PRIM2: variants seen among roughly 807,000 people sequenced by gnomAD.
PRIM2 encodes DNA primase subunit 2.
PRIM2 carries 39 observed loss-of-function variants against 67.3 expected under a neutral mutation model. The observed-to-expected ratio is 0.58, with a 90% CI of 0.45 to 0.76. The LOEUF is 0.76. Ranked by LOEUF, PRIM2 falls within the 30% of genes least tolerant of loss-of-function variation. The pLI is 0.00. For missense variants in PRIM2, 398 were observed against 598.7 expected, an observed-to-expected ratio of 0.66 and a Z score of 3.50; for synonymous variants, 143 against 198.7, an observed-to-expected ratio of 0.72 and a Z score of 2.36.
chr6:57,585,200 A>G (rs1776167312), intron 10 of PRIM2, among the ~76,000 whole-genome samples: 1 of 152,208 alleles, frequency 6.6e-6, no homozygotes, highest in African/African-American at 2.4e-5. Flanking sequence ...TTTAAGTGAT[A>G]TTAAACAACA....
intron 7 of PRIM2, among the ~76,000 whole-genome samples, chr6:57,407,646 G>T (rs561756352): frequency 6.6e-6 from 1 of 152,318 alleles, no homozygotes; most frequent in African/African-American, 2.4e-5. Flanking sequence ...GTACACAGTG[G>T]CACACCCACA....
At chr6:57,438,882 C>G (rs1772101882) in intron 7 of PRIM2, among the ~76,000 whole-genome samples, 1 of 151,928 alleles carries the variant, frequency 6.6e-6, no homozygotes, top group African/African-American at 2.4e-5. Flanking sequence ...AAGTGATTCT[C>G]CTGCCTCAGC....
intron 10 of PRIM2, among the ~76,000 whole-genome samples, chr6:57,562,160 A>G (rs1236522511): frequency 1.3e-5 from 2 of 152,152 alleles, no homozygotes; most frequent in Non-Finnish European, 1.5e-5. Flanking sequence ...CTGATCACAG[A>G]TCAGCAAAAC....
At chr6:57,412,974 C>T (rs1282483493) in intron 7 of PRIM2, among the ~76,000 whole-genome samples, 4 of 152,252 alleles carry the variant, frequency 2.6e-5, no homozygotes, top group East Asian at 1.9e-4. Flanking sequence ...AATGTACTAA[C>T]ACTTCATAAG....
chr6:57,309,243 A>C, the PRIM2 span, among the ~76,000 whole-genome samples: 1 of 145,874 alleles, frequency 6.9e-6, no homozygotes, highest in African/African-American at 2.5e-5. Context: ...GCACCCACTA[A>C]CTCGTCATCT....
upstream of PRIM2, among the ~76,000 whole-genome samples, chr6:57,310,101 AAAAC>A (rs1175055750): frequency 2.0e-5 from 3 of 152,128 alleles, no homozygotes; most frequent in East Asian, 3.8e-4. Context: ...TTACAAGAAA[AAAAC>A]AAACAACCCC....
chr6:57,606,406 G>C lies in PRIM2; in HGVS notation c.1179G>C (p.Leu393=). The stretch of plus-strand genomic sequence containing the variant: ...CATTCCGTCACAGTGATCCAGAGCT[G>C]CTGAAGCAAAAGTTGCAGTCATACA... The part of the protein sequence containing the change: ...GCPFRHSDPE[L]LKQKLQSYKI... Residue 393 remains leucine (L), a synonymous_variant, in exon 12 of 14, where the codon CTG becomes CTC. Coordinates refer to ENST00000615550, the MANE Select transcript of PRIM2 (RefSeq NM_000947.5). The C allele has an allele frequency of 6.3e-7, 1 of 1,599,100 alleles. No individual in the cohort carries two copies. The highest frequency in any genetic ancestry group is 1.7e-4 in the Middle Eastern group (1 of 6,054).
At chr6:57,582,035 G>A (rs1436321504) in intron 10 of PRIM2, among the ~76,000 whole-genome samples, 2 of 152,224 alleles carry the variant, frequency 1.3e-5, no homozygotes, top group Admixed American at 6.5e-5. Context: ...ATGTTGCCCA[G>A]GCTGGTCTCA....
intron 10 of PRIM2, among the ~76,000 whole-genome samples, chr6:57,559,980 T>C (rs1440137913): frequency 3.3e-4 from 50 of 152,262 alleles, no homozygotes; most frequent in African/African-American, 1.2e-3. Context: ...TTACAATTTC[T>C]TAAAATAAGA....
intron 5 of PRIM2, among the ~76,000 whole-genome samples, chr6:57,341,492 C>T (rs1581808472): frequency 6.6e-6 from 1 of 152,068 alleles, no homozygotes; most frequent in Admixed American, 6.6e-5. Context: ...CATGGACTCT[C>T]CCATGGCATC....
intron 10 of PRIM2, chr6:57,587,226 C>G (rs1229444339): frequency 1.3e-5 from 2 of 152,156 alleles, no homozygotes; most frequent in Admixed American, 1.3e-4. Flanking sequence ...GTGGAGTCTT[C>G]TGGGAATTTT....
chr6:57,644,268 C>T (rs1210861961), intron 13 of PRIM2, among the ~76,000 whole-genome samples: 2 of 151,928 alleles, frequency 1.3e-5, no homozygotes, highest in Non-Finnish European at 2.9e-5. Flanking sequence ...TCCCTCTTTA[C>T]CTTGCTCATG....
chr6:57,467,423 C>G (rs1398789140), intron 7 of PRIM2, among the ~76,000 whole-genome samples: 3 of 152,138 alleles, frequency 2.0e-5, no homozygotes, highest in African/African-American at 2.4e-5. Flanking sequence ...TTTGTCAAAG[C>G]TGAGATGTTT....
At chr6:57,487,359 G>C (rs1272997581) in intron 7 of PRIM2, among the ~76,000 whole-genome samples, 1 of 152,142 alleles carries the variant, frequency 6.6e-6, no homozygotes, top group East Asian at 1.9e-4. Flanking sequence ...CTCCTGAGTA[G>C]CTGGGACTAC....
intron 7 of PRIM2, among the ~76,000 whole-genome samples, chr6:57,467,781 T>G (rs1773241427): frequency 1.3e-5 from 2 of 152,194 alleles, no homozygotes; most frequent in South Asian, 2.1e-4. Flanking sequence ...TTTCCATTTT[T>G]TTTGTGTCCT....
At chr6:57,366,699 A>G (rs1769375158) in intron 5 of PRIM2, among the ~76,000 whole-genome samples, 1 of 152,186 alleles carries the variant, frequency 6.6e-6, no homozygotes, top group Admixed American at 6.5e-5. Flanking sequence ...GAAGTCCCAC[A>G]TCCTTAGAAA....
At chr6:57,561,107 GTTC>G (rs1775618439) in intron 10 of PRIM2, among the ~76,000 whole-genome samples, 1 of 152,182 alleles carries the variant, frequency 6.6e-6, no homozygotes, top group African/African-American at 2.4e-5. Flanking sequence ...ATCTTAGCTA[GTTC>G]TTCTGGATAA....
At chr6:57,255,976 G>T in the PRIM2 span, among the ~76,000 whole-genome samples, 1 of 151,886 alleles carries the variant, frequency 6.6e-6, no homozygotes, top group Non-Finnish European at 1.5e-5. Flanking sequence ...CTTAAATGCT[G>T]AGTAAACAAA....
chr6:57,592,178 A>C (rs1403401110), intron 10 of PRIM2, among the ~76,000 whole-genome samples: 2 of 152,222 alleles, frequency 1.3e-5, no homozygotes, highest in Non-Finnish European at 2.9e-5. Context: ...GCCAGGAAAG[A>C]GGGAAAAGAA....
Sources: gnomAD v4.1 joint callset for allele counts (sites outside exome capture counted in the v4.1 genomes callset) on GRCh38, gnomAD v4.1.1 for gene constraint, MANE v1.5 for transcripts, NCBI Gene and HGNC (gene_info 2026-07-23, HGNC 2026-07-21) for gene names.